The following COL14A1 variants were observed in gnomAD, a reference collection of about 807,000 sequenced individuals.
COL14A1 encodes collagen type XIV alpha 1 chain.
COL14A1 carries 136 observed loss-of-function variants against 230.3 expected under a neutral mutation model. The ratio of observed to expected loss-of-function variants is 0.59; its 90% CI spans 0.51 to 0.68. COL14A1 has a LOEUF of 0.68. Among genes scored for constraint, COL14A1 ranks in the 30% least tolerant of loss-of-function variants. COL14A1 has a pLI of 0.00. For missense variants in COL14A1, 1,976 were observed against 2,215.8 expected, an observed-to-expected ratio of 0.89 and a Z score of 2.17; for synonymous variants, 792 against 784.1, an observed-to-expected ratio of 1.01 and a Z score of -0.17.
rs372737813 is a variant in COL14A1, at chr8:120,206,839, G to A, written c.1040-104G>A. On this transcript the variant is annotated intron_variant, in intron 9 of 47. Transcript: ENST00000297848. The stretch of plus-strand genomic sequence containing the variant: ...AACTTATCTAAAGAGGAAAATCTTA[G>A]AGGCAGCATAAAATCAATATTTATT... The A allele has an allele frequency of 7.0e-6, 8 of 1,138,502 alleles. 1 individual carries two copies. In the African/African-American group the frequency reaches 1.1e-4, roughly 16 times the overall value. The allele number at this position is 1,138,502 out of a possible 1,614,324, so 70.5% of individuals were successfully genotyped here.
intron 5 of COL14A1, among the ~76,000 whole-genome samples, chr8:120,195,986 T>A (rs1309289439): frequency 6.6e-6 from 1 of 152,182 alleles, no homozygotes; most frequent in African/African-American, 2.4e-5. Flanking sequence ...GGCAGCCTCC[T>A]CCATTGTTGT....
chr8:120,228,359 C>G (rs1818159705), intron 17 of COL14A1, among the ~76,000 whole-genome samples: 1 of 152,228 alleles, frequency 6.6e-6, no homozygotes, highest in South Asian at 2.1e-4. Flanking sequence ...GCAGCCTTTT[C>G]ACAACTTGGT....
At chr8:120,349,474 G>A (rs1165641669) in intron 45 of COL14A1, among the ~76,000 whole-genome samples, 2 of 130,906 alleles carry the variant, frequency 1.5e-5, no homozygotes, top group African/African-American at 3.2e-5. Flanking sequence ...AGGCAAAGAA[G>A]TTGAAAACTT....
chr8:120,324,176 C>G (rs1821568761), intron 40 of COL14A1, among the ~76,000 whole-genome samples: 1 of 151,274 alleles, frequency 6.6e-6, no homozygotes, highest in Non-Finnish European at 1.5e-5. Context: ...CTGTGACATG[C>G]AATTTACCTG....
At chr8:120,218,443 G>C (rs1319916065) in intron 14 of COL14A1, among the ~76,000 whole-genome samples, 1 of 151,586 alleles carries the variant, frequency 6.6e-6, no homozygotes, top group Non-Finnish European at 1.5e-5. Context: ...CTGAGTAGCT[G>C]GGACTACAGG....
rs187838156 is a variant in COL14A1, at chr8:120,147,031, C to G, written c.-37-775C>G. 2.8e-3 allele frequency among the ~76,000 whole-genome samples: 424 copies of G among 151,846 alleles called. 1 individual carries two copies. Among genetic ancestry groups the G allele is most frequent in the Non-Finnish European group, 4.1e-3 (280 of 67,874 alleles). ...CAATTCTGCCTCTCTCCCTTTCTCC[C>G]TCCTTCTTTCCTTTCCCTTTCTTTC... is the stretch of plus-strand genomic sequence containing the variant. On this transcript the variant is annotated intron_variant, in intron 1 of 47. Coordinates refer to ENST00000297848, the MANE Select transcript of COL14A1 (RefSeq NM_021110.4).
At chr8:120,139,133 G>A (rs1030686623) in intron 1 of COL14A1, among the ~76,000 whole-genome samples, 1 of 152,206 alleles carries the variant, frequency 6.6e-6, no homozygotes, top group Non-Finnish European at 1.5e-5. Context: ...CAACTGATTA[G>A]AGTTCTGTTT....
At chr8:120,329,461 G>A (rs1821796300) in intron 40 of COL14A1, among the ~76,000 whole-genome samples, 1 of 152,098 alleles carries the variant, frequency 6.6e-6, no homozygotes. Flanking sequence ...ACAAAAATTA[G>A]CCAGGCATAG....
At chr8:120,156,204 G>A (rs1241562806) in intron 2 of COL14A1, among the ~76,000 whole-genome samples, 1 of 148,102 alleles carries the variant, frequency 6.8e-6, no homozygotes, top group Non-Finnish European at 1.5e-5. Context: ...GTCTCTCTCT[G>A]TCTCGTCCAG....
intron 40 of COL14A1, among the ~76,000 whole-genome samples, chr8:120,316,637 G>A (rs1821245315): frequency 6.6e-6 from 1 of 152,072 alleles, no homozygotes; most frequent in Non-Finnish European, 1.5e-5. Context: ...GCAGAGCCCT[G>A]TGAGAACACA....
chr8:120,137,580 T>C (rs1205436235), intron 1 of COL14A1, among the ~76,000 whole-genome samples: 1 of 152,090 alleles, frequency 6.6e-6, no homozygotes, highest in African/African-American at 2.4e-5. Context: ...CTTTTTTATA[T>C]CAACATTTAA....
intron 14 of COL14A1, among the ~76,000 whole-genome samples, chr8:120,221,560 G>GCACA (rs142408225): frequency 0.25 from 36,668 of 149,216 alleles, 4,872 homozygotes; most frequent in African/African-American, 0.37. Context: ...ACACACACAT[G>GCACA]CACACACACA....
intron 6 of COL14A1, among the ~76,000 whole-genome samples, 189 bp from the exon 7 acceptor site, chr8:120,197,622 C>T (rs1817082542): frequency 6.6e-6 from 1 of 152,082 alleles, no homozygotes; most frequent in Middle Eastern, 3.4e-3. Context: ...CTCCCTCAAC[C>T]CCCGTATATG....
Position 120,270,028 on chromosome 8 carries a change from T to C in COL14A1, c.3074-7T>C. 1 of 1,610,286 alleles carries C rather than the reference T, an allele frequency of 6.2e-7. No individual in the cohort carries two copies. Among genetic ancestry groups the C allele is most frequent in the Non-Finnish European group, 8.5e-7 (1 of 1,177,650 alleles). ...TCTCTGACTCAAAATTCATTGTTGG[T>C]CTTCAGTATGTAAGGCGGCCAAGGC... On this transcript the variant is annotated splice_polypyrimidine_tract_variant and splice_region_variant and intron_variant, in intron 25 of 47. Transcript: ENST00000297848.
chr8:120,264,873 T>A (rs1431737722), intron 24 of COL14A1, among the ~76,000 whole-genome samples: 4 of 152,244 alleles, frequency 2.6e-5, no homozygotes, highest in Admixed American at 2.6e-4. Context: ...AACATTTGTG[T>A]TTAGGACCCC....
chr8:120,294,461 T>C lies in COL14A1; in HGVS notation c.4237-3050T>C, dbSNP rs561550646. The stretch of plus-strand genomic sequence containing the variant: ...TTTTTTTTTTTTTTTTGCAAAGATG[T>C]ATCTTTTATAATTTTCAGTGAGTTA... On this transcript the variant is annotated intron_variant, in intron 34 of 47. Coordinates refer to ENST00000297848, the MANE Select transcript of COL14A1 (RefSeq NM_021110.4). 2.6e-3 allele frequency among the ~76,000 whole-genome samples: 391 copies of C among 150,612 alleles called. 1 individual carries two copies. The highest frequency in any genetic ancestry group is 9.0e-3 in the African/African-American group (372 of 41,292).
At chr8:120,275,474 A>G (rs1357393225) in intron 26 of COL14A1, among the ~76,000 whole-genome samples, 1 of 151,876 alleles carries the variant, frequency 6.6e-6, no homozygotes, top group African/African-American at 2.4e-5. Flanking sequence ...TTCAACAAAA[A>G]CAAAAATAAA....
At chr8:120,301,143 C>A (rs1563726288) in intron 36 of COL14A1, among the ~76,000 whole-genome samples, 1 of 152,078 alleles carries the variant, frequency 6.6e-6, no homozygotes, top group Non-Finnish European at 1.5e-5. Context: ...CAAACCAGGA[C>A]CTTTACTTGT....
At chr8:120,252,645 G>A (rs1377081483) in intron 22 of COL14A1, among the ~76,000 whole-genome samples, 4 of 152,122 alleles carry the variant, frequency 2.6e-5, no homozygotes, top group East Asian at 1.9e-4. Context: ...AATAACCATC[G>A]TTCAGGCAAA....
Sources: gnomAD v4.1 joint callset for allele counts (sites outside exome capture counted in the v4.1 genomes callset) on GRCh38, gnomAD v4.1.1 for gene constraint, MANE v1.5 for transcripts, NCBI Gene and HGNC (gene_info 2026-07-23, HGNC 2026-07-21) for gene names.